ATP10B: variants seen among roughly 807,000 people sequenced by gnomAD.
ATP10B encodes ATPase phospholipid transporting 10B (putative).
Under a neutral mutation model 141.2 loss-of-function variants are expected in ATP10B, and 122 were observed. The ratio of observed to expected loss-of-function variants is 0.86; its 90% CI spans 0.75 to 1.00. The LOEUF is 1.00. Ranked by LOEUF, ATP10B falls within the 50% of genes least tolerant of loss-of-function variation. The pLI is 0.00. For synonymous variants in ATP10B, 685 were observed against 692.0 expected, an observed-to-expected ratio of 0.99 and a Z score of 0.16; for missense variants, 1,876 against 1,825.3, an observed-to-expected ratio of 1.03 and a Z score of -0.51.
At chr5:160,685,404 C>T (rs898759108) in intron 6 of ATP10B, 8 of 448,904 alleles carry the variant, frequency 1.8e-5, no homozygotes, top group African/African-American at 1.2e-4. Context: ...ATCCACCAGG[C>T]CACTTCCTTC....
the ATP10B span, among the ~76,000 whole-genome samples, chr5:160,887,477 A>G: frequency 7.2e-5 from 11 of 152,188 alleles, no homozygotes; most frequent in African/African-American, 2.4e-4. Flanking sequence ...ATATAAGCAT[A>G]TAATGACTAA....
the ATP10B span, among the ~76,000 whole-genome samples, chr5:160,867,899 C>G: frequency 6.6e-6 from 1 of 152,080 alleles, no homozygotes; most frequent in Non-Finnish European, 1.5e-5. Context: ...TGCAAATATT[C>G]AAAGTGATTT....
At chr5:160,588,375 C>T (rs1006066613) in intron 24 of ATP10B, among the ~76,000 whole-genome samples, 2 of 152,228 alleles carry the variant, frequency 1.3e-5, no homozygotes, top group East Asian at 3.9e-4. Context: ...TTATGGCCTG[C>T]TTTAGCTTGT....
chr5:160,767,705 T>C (rs1387272284), intron 2 of ATP10B, among the ~76,000 whole-genome samples: 1 of 145,828 alleles, frequency 6.9e-6, no homozygotes, highest in Non-Finnish European at 1.5e-5. Flanking sequence ...TTTAATTATT[T>C]CACATAAAGC....
intron 1 of ATP10B, among the ~76,000 whole-genome samples, chr5:160,792,477 T>C (rs1771647400): frequency 6.6e-6 from 1 of 152,172 alleles, no homozygotes; most frequent in African/African-American, 2.4e-5. Context: ...CACTGGAATA[T>C]GAGCAGGCAT....
At chr5:160,859,493 C>G in the ATP10B span, among the ~76,000 whole-genome samples, 1 of 151,774 alleles carries the variant, frequency 6.6e-6, no homozygotes, top group Non-Finnish European at 1.5e-5. Context: ...ATTCAAAGCA[C>G]AGGCCCCCTC....
intron 2 of ATP10B, among the ~76,000 whole-genome samples, chr5:160,761,733 G>C (rs1769058353): frequency 6.6e-6 from 1 of 152,016 alleles, no homozygotes; most frequent in African/African-American, 2.4e-5. Flanking sequence ...AAACCAAGAA[G>C]AAATCTCTGA....
At chr5:160,784,025 T>G (rs939287299) in intron 2 of ATP10B, among the ~76,000 whole-genome samples, 3 of 152,152 alleles carry the variant, frequency 2.0e-5, no homozygotes, top group African/African-American at 7.2e-5. Context: ...AATAATAGCT[T>G]AATCCACCTT....
At chr5:160,590,001 G>T (rs1756176293) in intron 23 of ATP10B, among the ~76,000 whole-genome samples, 1 of 152,196 alleles carries the variant, frequency 6.6e-6, no homozygotes, top group South Asian at 2.1e-4. Flanking sequence ...ATACTTCTGT[G>T]TTTGCCTACA....
chr5:160,623,100 C>T (rs1224903569), intron 13 of ATP10B, among the ~76,000 whole-genome samples: 1 of 152,218 alleles, frequency 6.6e-6, no homozygotes, highest in Non-Finnish European at 1.5e-5. Context: ...TCAACATGGA[C>T]CCTCAGCTCA....
At chr5:160,831,632 A>G (rs1775086550) in intron 1 of ATP10B, among the ~76,000 whole-genome samples, 2 of 152,104 alleles carry the variant, frequency 1.3e-5, no homozygotes. Flanking sequence ...AATTCTAACA[A>G]GCATGAATCT....
At chr5:160,733,948 A>G (rs890621211) in intron 2 of ATP10B, among the ~76,000 whole-genome samples, 8 of 151,518 alleles carry the variant, frequency 5.3e-5, no homozygotes, top group African/African-American at 1.9e-4. Context: ...TACTAAAAAT[A>G]CAAAAATTAG....
At position 160,612,832 on chromosome 5, in the gene ATP10B, C is replaced by G. The variant is rs1420827967; in HGVS notation, c.2747G>C (p.Gly916Ala). The G allele has an allele frequency of 6.2e-7, 1 of 1,614,138 alleles. No homozygotes were observed. Among genetic ancestry groups the G allele is most frequent in the South Asian group, 1.1e-5 (1 of 91,070 alleles). The change falls in exon 18 of 26, where the codon GGA becomes GCA. Residue 916 changes from glycine (G) to alanine (A), a missense_variant. Physicochemically the swap from Gly to Ala is moderately conservative, Grantham distance 60. Transcript: ENST00000327245. ...EAGIQLWVLT[G>A]DKQETAVNIA... ...GTTGACCGCTGTCTCCTGCTTATCT[C>G]CAGTCAGGACCCAGAGCTGGATCCC...
chr5:160,766,353 C>T (rs544839049), intron 2 of ATP10B, among the ~76,000 whole-genome samples: 1 of 100,028 alleles, frequency 1.0e-5, no homozygotes, highest in East Asian at 2.3e-4. Context: ...CACACACACA[C>T]ACACACACAC....
At chr5:160,815,182 A>G (rs1462115599) in intron 1 of ATP10B, among the ~76,000 whole-genome samples, 3 of 152,230 alleles carry the variant, frequency 2.0e-5, no homozygotes, top group South Asian at 2.1e-4. Flanking sequence ...ATTAAAAGAC[A>G]CAGACTGGCA....
the ATP10B span, among the ~76,000 whole-genome samples, chr5:160,865,720 C>G: frequency 6.6e-6 from 1 of 151,082 alleles, no homozygotes; most frequent in Non-Finnish European, 1.5e-5. Flanking sequence ...CTCAAATCAG[C>G]AAGAAAAAAA....
chr5:160,783,463 C>CAT (rs1770892704), intron 2 of ATP10B, among the ~76,000 whole-genome samples: 1 of 118,154 alleles, frequency 8.5e-6, no homozygotes, highest in African/African-American at 3.2e-5. Flanking sequence ...ATATATATAT[C>CAT]ATATATATAT....
In ATP10B at chr5:160,620,369, G is replaced by C. The variant is rs1285804700; in HGVS notation, c.2394C>G (p.Asp798Glu). 2.5e-6 allele frequency: 4 copies of C among 1,612,516 alleles called. No homozygotes were observed. In the South Asian group the frequency reaches 4.4e-5, roughly 18 times the overall value. The change falls in exon 15 of 26, where the codon GAC (aspartate) becomes GAG (glutamate). Residue 798 changes from aspartate (D) to glutamate (E), a missense_variant. By Grantham distance (45) the Asp-to-Glu change is conservative (BLOSUM62 2). Transcript: ENST00000327245. ...CACCGCAGGCTGGGTCTTCCAGCAG[G>C]TCCATGATGACCGAGTCAGCACCCT... ...YTKGADSVIM[D>E]LLEDPACVPD...
chr5:160,817,941 G>A (rs1387277422), intron 1 of ATP10B, among the ~76,000 whole-genome samples: 1 of 152,198 alleles, frequency 6.6e-6, no homozygotes, highest in African/African-American at 2.4e-5. Context: ...GAACTGGCTA[G>A]CCATATGTAG....
Sources: gnomAD v4.1 joint callset for allele counts (sites outside exome capture counted in the v4.1 genomes callset) on GRCh38, gnomAD v4.1.1 for gene constraint, MANE v1.5 for transcripts, NCBI Gene and HGNC (gene_info 2026-07-23, HGNC 2026-07-21) for gene names.